The following EPN1 variants were observed in gnomAD, a reference collection of about 807,000 sequenced individuals.
EPN1 encodes epsin 1, also known as epsin-1.
Under a neutral mutation model 56.9 loss-of-function variants are expected in EPN1, and 25 were observed. The ratio of observed to expected loss-of-function variants is 0.44; its 90% confidence interval spans 0.32 to 0.61. EPN1 has a LOEUF of 0.61. Among genes scored for constraint, EPN1 ranks in the 20% least tolerant of loss-of-function variants. The pLI is 0.05. For synonymous variants in EPN1, 411 were observed against 361.8 expected, an observed-to-expected ratio of 1.14 and a Z score of -1.54; for missense variants, 785 against 823.7, an observed-to-expected ratio of 0.95 and a Z score of 0.58.
Position 55,708,761 on chromosome 19 carries a change from C to T in EPN1, c.*13405C>T. ...ATCAGCATGTACACTGAATCACACTCCATAATCATATTGCTAGAACACTTA... is the reference window on the plus strand; with the variant it reads ...ATCAGCATGTACACTGAATCACACTTCATAATCATATTGCTAGAACACTTA... On this transcript the variant is annotated 3_prime_UTR_variant, in exon 11 of 11. Coordinates refer to ENST00000270460, the MANE Select transcript of EPN1 (RefSeq NM_001130072.2). 1 of 556,046 alleles carries T rather than the reference C, an allele frequency of 1.8e-6. No homozygotes were observed. The allele number at this position is 556,046 out of a possible 1,614,324, so 34.4% of individuals were successfully genotyped here. A position where few individuals can be genotyped will look rare whatever the true frequency, so the allele number is the denominator to read the frequency against.
chr19:55,681,820 T>G (rs1248123095), intron 2 of EPN1, among the ~76,000 whole-genome samples: 1 of 151,934 alleles, frequency 6.6e-6, no homozygotes, highest in Non-Finnish European at 1.5e-5. Context: ...TTTTTTAACT[T>G]TTTTAGAGAC....
In EPN1 at chr19:55,685,509, C is replaced by T. The variant is rs75693236; in HGVS notation, c.342C>T (p.Arg114=). Residue 114 remains arginine (R), a synonymous_variant, in exon 3 of 11, where the codon CGC becomes CGT. Coordinates refer to ENST00000270460, the MANE Select transcript of EPN1 (RefSeq NM_001130072.2). The part of the protein sequence containing the change: ...QTLKDFQYVD[R]DGKDQGVNVR... ...TGAAGGACTTCCAGTACGTGGACCG[C>T]GACGGCAAGGACCAGGGCGTGAACG... 764 of 1,612,904 alleles carry T rather than the reference C, an allele frequency of 4.7e-4. No individual in the cohort carries two copies. The highest frequency in any genetic ancestry group is 6.0e-4 in the Non-Finnish European group (706 of 1,179,472).
intron 1 of EPN1, chr19:55,677,820 C>G: frequency 7.1e-7 from 1 of 1,409,524 alleles, no homozygotes; most frequent in Admixed American, 3.1e-5. Context: ...GGATTCCTGC[C>G]CCCTCTGCCC....
At position 55,703,909 on chromosome 19, in the gene EPN1, AGCGGACGGAGCCGCAGGCGG is replaced by A. The variant is rs1987266376; in HGVS notation, c.*8555_*8574del. On this transcript the variant is annotated 3_prime_UTR_variant, in exon 11 of 11. Coordinates refer to ENST00000270460, the MANE Select transcript of EPN1 (RefSeq NM_001130072.2). ...GCTGGCCCAGCAGAGGGCGCCGGAG[AGCGGACGGAGCCGCAGGCGG>A]GGTTGTGGGAAGACGCTGGGATCCC... The A allele has an allele frequency of 6.6e-6, 1 of 152,152 alleles. No homozygotes were observed. The highest frequency in any genetic ancestry group is 2.4e-5 in the African/African-American group (1 of 41,432). 9.4% of individuals were successfully genotyped at this position (152,152 alleles called of 1,614,324 possible).
In EPN1 at chr19:55,694,045, C is replaced by T. The variant is rs1414185277; in HGVS notation, c.1265-681C>T. The T allele has an allele frequency of 3.9e-5, 6 of 151,980 alleles. No individual in the cohort carries two copies. Among genetic ancestry groups the T allele is most frequent in the Admixed American group, 1.3e-4 (2 of 15,248 alleles). 9.4% of individuals were successfully genotyped at this position (151,980 alleles called of 1,614,324 possible). On this transcript the variant is annotated intron_variant, in intron 9 of 10. Transcript: ENST00000270460. This position sits in a 1 kb window ranked among gnomAD's most constrained non-coding sequence, Gnocchi z 4.2. Reference sequence around the variant, plus strand: ...AGCCTGACCACCATGGCCAAAACTCCGTCTCTACTAAAAACACAAAATTAT... The same window carrying T: ...AGCCTGACCACCATGGCCAAAACTCTGTCTCTACTAAAAACACAAAATTAT...
In EPN1 at chr19:55,707,577, A is replaced by G. The variant is rs1464301089; in HGVS notation, c.*12221A>G. On this transcript the variant is annotated 3_prime_UTR_variant, in exon 11 of 11. Coordinates refer to ENST00000270460, the MANE Select transcript of EPN1 (RefSeq NM_001130072.2). ...TTCAGACCACCTGGAAACCCTCCCC[A>G]TGTCTTTTCAGAACAATGTCCTAAG... 1 of 154,406 alleles carries G rather than the reference A, an allele frequency of 6.5e-6. No individual in the cohort carries two copies. Among genetic ancestry groups the G allele is most frequent in the Non-Finnish European group, 1.5e-5 (1 of 68,226 alleles). 9.6% of individuals were successfully genotyped at this position (154,406 alleles called of 1,614,324 possible).
Position 55,708,371 on chromosome 19 carries a change from T to C in EPN1, c.*13015T>C, listed in dbSNP as rs1987530197. 6.6e-6 allele frequency: 1 copy of C among 152,060 alleles called. No homozygotes were observed. The highest frequency in any genetic ancestry group is 2.4e-5 in the African/African-American group (1 of 41,336). 9.4% of individuals were successfully genotyped at this position (152,060 alleles called of 1,614,324 possible). Reference sequence around the variant, plus strand: ...TTTTGAAATATAAACAGTGTAGATATATTTGAATAATACTGAATTTTTAGA... The same window carrying C: ...TTTTGAAATATAAACAGTGTAGATACATTTGAATAATACTGAATTTTTAGA... On this transcript the variant is annotated 3_prime_UTR_variant, in exon 11 of 11. Coordinates refer to ENST00000270460, the MANE Select transcript of EPN1 (RefSeq NM_001130072.2).
chr19:55,692,322 A>T (rs911731708), intron 7 of EPN1, among the ~76,000 whole-genome samples: 5 of 135,332 alleles, frequency 3.7e-5, no homozygotes, highest in African/African-American at 1.5e-4. Flanking sequence ...GCCAAGGCAG[A>T]GCGTGTGTGA....
rs752822792 is a variant in EPN1 at position 55,691,750 on chromosome 19, A to C, written c.763-4A>C. 2 of 1,608,840 alleles carry C rather than the reference A, an allele frequency of 1.2e-6. No homozygotes were observed. Among genetic ancestry groups the C allele is most frequent in the Admixed American group, 3.4e-5 (2 of 59,536 alleles). On this transcript the variant is annotated splice_polypyrimidine_tract_variant and splice_region_variant and intron_variant, in intron 6 of 10. Transcript: ENST00000270460. This position sits in a 1 kb window ranked among gnomAD's most constrained non-coding sequence, Gnocchi z 5.6. ...ATGCTCCTTCTCTTCTCTCTCCCCCACAGTCGTCCCTCATGGACCTTGCTG... is the reference window on the plus strand; with the variant it reads ...ATGCTCCTTCTCTTCTCTCTCCCCCCCAGTCGTCCCTCATGGACCTTGCTG...
chr19:55,691,967 C>G lies in EPN1; in HGVS notation c.976C>G (p.Pro326Ala), dbSNP rs766998303. The stretch of plus-strand genomic sequence containing the variant: ...TGGGGACCCCTGGAGGCCTGCTGCC[C>G]CTGCAGGACCCTCAGTTGACCCTTG... ...ASGDPWRPAAPAGPSVDPWGG... is the reference protein window; with the variant it reads ...ASGDPWRPAAAAGPSVDPWGG... The change falls in exon 7 of 11, where the codon CCT becomes GCT. Residue 326 changes from proline to alanine, a missense_variant. Around this residue, in one of 2 missense-constraint regions of EPN1, gnomAD observed 650 missense variants for 605.0 expected, o/e 1.07. Transcript: ENST00000270460. This position sits in a 1 kb window ranked among gnomAD's most constrained non-coding sequence, Gnocchi z 5.6. The G allele has an allele frequency of 2.6e-6, 4 of 1,509,752 alleles. No homozygotes were observed. The East Asian group carries it at 9.3e-5, about 35-fold the overall frequency. The allele number at this position is 1,509,752 out of a possible 1,614,324, so 93.5% of individuals were successfully genotyped here.
chr19:55,680,338 C>CT (rs1353949235), intron 2 of EPN1, among the ~76,000 whole-genome samples: 5 of 152,334 alleles, frequency 3.3e-5, no homozygotes, highest in South Asian at 2.1e-4. Flanking sequence ...CTCTGGGACT[C>CT]TCCCCAGGCC....
At position 55,691,903 on chromosome 19, in the gene EPN1, T is replaced by A; in HGVS notation, c.912T>A (p.Ala304=). Residue 304 remains alanine, a synonymous_variant, in exon 7 of 11, where the codon GCT becomes GCA. Transcript: ENST00000270460. This position sits in a 1 kb window ranked among gnomAD's most constrained non-coding sequence, Gnocchi z 5.6. ...GGGGCGGCCCCCCTGTCCCTCCAGCTGCTGATCCCTGGGGAGGTCCAGCCC... is the reference window on the plus strand; with the variant it reads ...GGGGCGGCCCCCCTGTCCCTCCAGCAGCTGATCCCTGGGGAGGTCCAGCCC... The part of the protein sequence containing the change: ...DPWGGPPVPP[A]ADPWGGPAPT... 6.3e-7 allele frequency: 1 copy of A among 1,595,882 alleles called. No individual in the cohort carries two copies. The highest frequency in any genetic ancestry group is 8.5e-7 in the Non-Finnish European group (1 of 1,171,742).
chr19:55,690,959 C>G (rs1416544760), intron 6 of EPN1, among the ~76,000 whole-genome samples: 1 of 152,118 alleles, frequency 6.6e-6, no homozygotes, highest in Admixed American at 6.5e-5. Context: ...ATCTCTTCTC[C>G]TGCCCTGCCC....
rs201572233 is a variant in EPN1 at position 55,694,772 on chromosome 19, G to A, written c.1311G>A (p.Gly437=). Residue 437 remains glycine, a synonymous_variant, in exon 10 of 11, where the codon GGG becomes GGA. Transcript: ENST00000270460. The surrounding 1 kb of genome is among the most constrained non-coding windows in gnomAD (Gnocchi z 4.2). The part of the protein sequence containing the change: ...LAGEVPARSP[G]AFDMSGVRGS... ...GAGAGGTGCCGGCCCGAAGCCCTGG[G>A]GCGTTTGACATGAGTGGGGTCAGGG... The A allele has an allele frequency of 3.9e-5, 62 of 1,604,780 alleles. No individual in the cohort carries two copies. The African/African-American group carries it at 7.1e-4, about 18-fold the overall frequency.
In EPN1 at chr19:55,708,404, A is replaced by G. The variant is rs543025701; in HGVS notation, c.*13048A>G. The G allele has an allele frequency of 1.6e-5, 2 of 125,738 alleles. No homozygotes were observed. The highest frequency in any genetic ancestry group is 2.4e-4 in the South Asian group (1 of 4,196). The allele number at this position is 125,738 out of a possible 1,614,324, so 7.8% of individuals were successfully genotyped here. Reference sequence around the variant, plus strand: ...TAATACTGAATTTTTAGAAAAATCTATTGGGGTGTCATATATAAAAGGATA... The same window carrying G: ...TAATACTGAATTTTTAGAAAAATCTGTTGGGGTGTCATATATAAAAGGATA... On this transcript the variant is annotated 3_prime_UTR_variant, in exon 11 of 11. Coordinates refer to ENST00000270460, the MANE Select transcript of EPN1 (RefSeq NM_001130072.2).
At chr19:55,679,520 G>A (rs764321512) in intron 2 of EPN1, among the ~76,000 whole-genome samples, 15 of 152,136 alleles carry the variant, frequency 9.9e-5, no homozygotes, top group Non-Finnish European at 1.9e-4. Flanking sequence ...CTGCTGTTGC[G>A]GTCCCGTCGG....
rs368893212 is a variant in EPN1 at position 55,691,833 on chromosome 19, C to T, written c.842C>T (p.Pro281Leu). ...PTTDPWGGPA[P>L]MAAAVPTAAP... Reference sequence around the variant, plus strand: ...ACAGACCCCTGGGGGGGCCCAGCACCCATGGCTGCTGCCGTCCCCACGGCT... The same window carrying T: ...ACAGACCCCTGGGGGGGCCCAGCACTCATGGCTGCTGCCGTCCCCACGGCT... Residue 281 changes from proline to leucine, a missense_variant, in exon 7 of 11, where the codon CCC (proline) becomes CTC (leucine). Pro to Leu is a moderately conservative substitution (Grantham distance 98). Coordinates refer to ENST00000270460, the MANE Select transcript of EPN1 (RefSeq NM_001130072.2). The surrounding 1 kb of genome is among the most constrained non-coding windows in gnomAD (Gnocchi z 5.6). 9 of 1,608,744 alleles carry T rather than the reference C, an allele frequency of 5.6e-6. No individual in the cohort carries two copies. Among genetic ancestry groups the T allele is most frequent in the Non-Finnish European group, 7.6e-6 (9 of 1,177,088 alleles).
chr19:55,683,819 A>T (rs1985988598), intron 2 of EPN1, among the ~76,000 whole-genome samples: 1 of 152,204 alleles, frequency 6.6e-6, no homozygotes, highest in Non-Finnish European at 1.5e-5. Context: ...GTGTTTCATG[A>T]TCCGTTCGGC....
chr19:55,691,740 T>C lies in EPN1; in HGVS notation c.763-14T>C, dbSNP rs1263151155. 2.5e-6 allele frequency: 4 copies of C among 1,606,524 alleles called. No homozygotes were observed. Among genetic ancestry groups the C allele is most frequent in the Admixed American group, 1.7e-5 (1 of 59,106 alleles). ...CCACTTCTTCATGCTCCTTCTCTTC[T>C]CTCTCCCCCACAGTCGTCCCTCATG... is the stretch of plus-strand genomic sequence containing the variant. On this transcript the variant is annotated splice_polypyrimidine_tract_variant and intron_variant, in intron 6 of 10. Coordinates refer to ENST00000270460, the MANE Select transcript of EPN1 (RefSeq NM_001130072.2). The surrounding 1 kb of genome is among the most constrained non-coding windows in gnomAD (Gnocchi z 5.6).
Sources: allele counts gnomAD v4.1 joint callset (sites outside exome capture counted in the v4.1 genomes callset), GRCh38; gene constraint gnomAD v4.1.1; regional missense constraint gnomAD v4.1.1; non-coding constraint Gnocchi (gnomAD v3.1); transcripts MANE v1.5; gene names NCBI Gene and HGNC (gene_info 2026-07-23, HGNC 2026-07-21).